CDYL2: variants seen among roughly 807,000 people sequenced by gnomAD.
The protein encoded by CDYL2 is chromodomain Y like 2.
Under a neutral mutation model 49.4 loss-of-function variants are expected in CDYL2, and 23 were observed. That is an observed-to-expected ratio of 0.47 (90% CI 0.34 to 0.66). The LOEUF is 0.66. Among genes scored for constraint, CDYL2 ranks in the 30% least tolerant of loss-of-function variants. The pLI is 0.01. For missense variants in CDYL2, 678 were observed against 656.4 expected, an observed-to-expected ratio of 1.03 and a Z score of -0.36; for synonymous variants, 360 against 268.8, an observed-to-expected ratio of 1.34 and a Z score of -3.32.
At chr16:80,625,081 G>A (rs1048772917) in intron 3 of CDYL2, among the ~76,000 whole-genome samples, 2 of 152,198 alleles carry the variant, frequency 1.3e-5, no homozygotes, top group African/African-American at 4.8e-5. Flanking sequence ...TCCTATGGCT[G>A]CTGTAAAAAA....
chr16:80,697,256 C>T (rs1904280211), intron 1 of CDYL2, among the ~76,000 whole-genome samples: 1 of 152,178 alleles, frequency 6.6e-6, no homozygotes, highest in African/African-American at 2.4e-5. Context: ...CAGTGATTCA[C>T]ATATGGCTCA....
At chr16:80,730,314 C>T (rs1341891018) in intron 1 of CDYL2, among the ~76,000 whole-genome samples, 1 of 152,012 alleles carries the variant, frequency 6.6e-6, no homozygotes, top group Non-Finnish European at 1.5e-5. Flanking sequence ...TTAGAGAATG[C>T]TACAAACACC....
intron 1 of CDYL2, among the ~76,000 whole-genome samples, chr16:80,748,977 T>C (rs766206296): frequency 3.9e-5 from 6 of 152,150 alleles, no homozygotes; most frequent in East Asian, 1.9e-4. Flanking sequence ...ATCGAGAACA[T>C]TGAGGATAGA....
intron 1 of CDYL2, among the ~76,000 whole-genome samples, chr16:80,790,506 T>C (rs145296696): frequency 6.7e-4 from 102 of 152,288 alleles, no homozygotes; most frequent in African/African-American, 2.4e-3. Context: ...ATACAAGATC[T>C]CACCAAAGTC....
chr16:80,720,762 T>C (rs1174459442), intron 1 of CDYL2, among the ~76,000 whole-genome samples: 2 of 152,126 alleles, frequency 1.3e-5, no homozygotes, highest in Non-Finnish European at 2.9e-5. Flanking sequence ...GCAGCATTAG[T>C]GAGTGAAGAT....
chr16:80,703,574 C>T (rs1904317204), intron 1 of CDYL2, among the ~76,000 whole-genome samples: 1 of 152,138 alleles, frequency 6.6e-6, no homozygotes, highest in South Asian at 2.1e-4. Context: ...TCCCCATCAC[C>T]CTGTGGTGGC....
chr16:80,766,431 A>C (rs1335082015), intron 1 of CDYL2, among the ~76,000 whole-genome samples: 1 of 152,242 alleles, frequency 6.6e-6, no homozygotes, highest in Non-Finnish European at 1.5e-5. Flanking sequence ...AAATTTTCAT[A>C]GTCACATGCA....
chr16:80,776,602 T>C (rs1907091283), intron 1 of CDYL2, among the ~76,000 whole-genome samples: 1 of 149,888 alleles, frequency 6.7e-6, no homozygotes. Context: ...CTGTATATTA[T>C]ATATTATATA....
chr16:80,803,589 C>G (rs1907995477), intron 1 of CDYL2, among the ~76,000 whole-genome samples: 1 of 145,762 alleles, frequency 6.9e-6, no homozygotes, highest in Non-Finnish European at 1.5e-5. Context: ...CCCCCGAACC[C>G]CCACCCAGCC....
intron 1 of CDYL2, among the ~76,000 whole-genome samples, chr16:80,700,840 G>C (rs552622396): frequency 1.6e-4 from 24 of 152,360 alleles, no homozygotes; most frequent in African/African-American, 5.0e-4. Context: ...GCAGGAAACA[G>C]AAGAAATGTA....
At chr16:80,773,520 G>A (rs1354820952) in intron 1 of CDYL2, among the ~76,000 whole-genome samples, 1 of 152,110 alleles carries the variant, frequency 6.6e-6, no homozygotes, top group Non-Finnish European at 1.5e-5. Context: ...GTGCCCAACA[G>A]CTGCATGCAT....
At chr16:80,776,601 A>C (rs1907091208) in intron 1 of CDYL2, among the ~76,000 whole-genome samples, 1 of 149,792 alleles carries the variant, frequency 6.7e-6, no homozygotes, top group Non-Finnish European at 1.5e-5. Context: ...TCTGTATATT[A>C]TATATTATAT....
At chr16:80,633,440 C>A (rs922316324) in intron 2 of CDYL2, among the ~76,000 whole-genome samples, 1 of 152,126 alleles carries the variant, frequency 6.6e-6, no homozygotes, top group African/African-American at 2.4e-5. Flanking sequence ...CAGAAGGGGA[C>A]CTAGAGGGCT....
chr16:80,733,009 A>G (rs1237404291), intron 1 of CDYL2, among the ~76,000 whole-genome samples: 1 of 152,228 alleles, frequency 6.6e-6, no homozygotes, highest in East Asian at 1.9e-4. Context: ...CATTGATCAA[A>G]ACAGACTCAA....
intron 1 of CDYL2, among the ~76,000 whole-genome samples, chr16:80,734,062 C>T (rs1337614626): frequency 6.6e-6 from 1 of 152,126 alleles, no homozygotes; most frequent in African/African-American, 2.4e-5. Flanking sequence ...TAAAAAGTTA[C>T]AGTCAAGGAA....
intron 1 of CDYL2, among the ~76,000 whole-genome samples, chr16:80,740,843 TAA>T (rs556287588): frequency 1.4e-4 from 19 of 137,058 alleles, no homozygotes; most frequent in Non-Finnish European, 9.5e-5. Flanking sequence ...TGTGATACAC[TAA>T]AAAAAAAAAA....
intron 1 of CDYL2, among the ~76,000 whole-genome samples, chr16:80,724,158 A>C (rs1380012712): frequency 2.0e-5 from 3 of 149,538 alleles, no homozygotes; most frequent in Non-Finnish European, 4.5e-5. Context: ...GAGAAAGAAG[A>C]AGAGGAGGAG....
chr16:80,605,141 T>C (rs75876475), intron 6 of CDYL2, among the ~76,000 whole-genome samples: 270 of 152,118 alleles, frequency 1.8e-3, no homozygotes, highest in South Asian at 3.1e-3. Flanking sequence ...ATTGTAGTAA[T>C]GAGTAATAAT....
intron 2 of CDYL2, among the ~76,000 whole-genome samples, chr16:80,670,291 G>A (rs369399166): frequency 1.9e-5 from 1 of 52,566 alleles, no homozygotes; most frequent in African/African-American, 3.3e-5. Context: ...CTGGATCACG[G>A]GGGGCGGTTA....
Sources: gnomAD v4.1 joint callset for allele counts (sites outside exome capture counted in the v4.1 genomes callset) on GRCh38, gnomAD v4.1.1 for gene constraint, MANE v1.5 for transcripts, NCBI Gene and HGNC (gene_info 2026-07-23, HGNC 2026-07-21) for gene names.